TEKT5: variants seen among roughly 807,000 people sequenced by gnomAD.
The protein encoded by TEKT5 is tektin 5.
Under a neutral mutation model 48.7 loss-of-function variants are expected in TEKT5, and 52 were observed. The ratio of observed to expected loss-of-function variants is 1.07; its 90% CI spans 0.86 to 1.35. TEKT5 has a LOEUF of 1.35. Among genes scored for constraint, TEKT5 ranks in the 40% most tolerant of loss-of-function variants. The pLI, the probability that TEKT5 is intolerant of heterozygous loss-of-function variation, is 0.00. For missense variants in TEKT5, 831 were observed against 641.6 expected (o/e 1.30, Z -3.19); for synonymous variants, 318 against 267.6 (o/e 1.19, Z -1.84).
At chr16:10,652,234 G>A (rs1898170548) in intron 5 of TEKT5, among the ~76,000 whole-genome samples, 1 of 152,070 alleles carries the variant, frequency 6.6e-6, no homozygotes, top group African/African-American at 2.4e-5. Flanking sequence ...CACAGAGCTG[G>A]CAGACGCAGA....
intron 5 of TEKT5, among the ~76,000 whole-genome samples, chr16:10,674,493 G>C (rs939965149): frequency 6.6e-6 from 1 of 151,862 alleles, no homozygotes; most frequent in South Asian, 2.1e-4. Flanking sequence ...AACCTAGCCA[G>C]GTGTGGTGGC....
intron 6 of TEKT5, 23 bp from the exon 7 acceptor site, chr16:10,627,822 G>C (rs1292677339): frequency 1.2e-6 from 2 of 1,601,052 alleles, no homozygotes; most frequent in African/African-American, 1.3e-5. Context: ...CAGAGGAGAA[G>C]GCACAGGTTA....
chr16:10,647,758 C>T (rs150409679), intron 5 of TEKT5, among the ~76,000 whole-genome samples: 17 of 152,348 alleles, frequency 1.1e-4, no homozygotes, highest in African/African-American at 3.8e-4. Context: ...AGCTAATACT[C>T]ATTCATAAGC....
chr16:10,650,842 G>A (rs1193126261), intron 5 of TEKT5, among the ~76,000 whole-genome samples: 2 of 151,652 alleles, frequency 1.3e-5, no homozygotes, highest in African/African-American at 4.8e-5. Flanking sequence ...CAGAGATTGT[G>A]GCATTGCATT....
chr16:10,689,522 T>A (rs1211997082), intron 2 of TEKT5, among the ~76,000 whole-genome samples, 199 bp from the exon 3 acceptor site: 1 of 31,490 alleles, frequency 3.2e-5, no homozygotes, highest in Non-Finnish European at 5.2e-5. Flanking sequence ...AGGCTCCACC[T>A]TTTTTTTTTT....
intron 5 of TEKT5, chr16:10,671,835 T>C (rs1412146998): frequency 6.6e-6 from 1 of 152,070 alleles, no homozygotes; most frequent in Non-Finnish European, 1.5e-5. Flanking sequence ...AACCACCAGG[T>C]CTCAAGAGAC....
intron 3 of TEKT5, among the ~76,000 whole-genome samples, chr16:10,684,801 T>C (rs975371780): frequency 1.3e-5 from 2 of 152,216 alleles, no homozygotes; most frequent in African/African-American, 2.4e-5. Flanking sequence ...CTCACCCTGC[T>C]GTCAGCCCAC....
intron 1 of TEKT5, 76 bp downstream of exon 1, chr16:10,694,234 T>A: frequency 6.9e-7 from 1 of 1,448,320 alleles, no homozygotes; most frequent in South Asian, 1.4e-5. Flanking sequence ...ACCTTCATCT[T>A]CAGTCAAGGG....
At chr16:10,642,596 G>A (rs997898228) in intron 5 of TEKT5, among the ~76,000 whole-genome samples, 1 of 152,076 alleles carries the variant, frequency 6.6e-6, no homozygotes, top group Non-Finnish European at 1.5e-5. Flanking sequence ...CTATCTTTCT[G>A]ATGGTGATCA....
At chr16:10,687,257 A>T (rs1300783723) in intron 3 of TEKT5, among the ~76,000 whole-genome samples, 1 of 152,372 alleles carries the variant, frequency 6.6e-6, no homozygotes, top group Admixed American at 6.5e-5. Context: ...CATATATGTT[A>T]ATTAGTTCCA....
intron 5 of TEKT5, among the ~76,000 whole-genome samples, chr16:10,668,353 T>C (rs1413865938): frequency 6.6e-6 from 1 of 152,144 alleles, no homozygotes; most frequent in African/African-American, 2.4e-5. Context: ...AGAGAGACTT[T>C]CTCCCTGGGA....
chr16:10,655,415 T>C (rs933254311), intron 5 of TEKT5, among the ~76,000 whole-genome samples: 2 of 152,182 alleles, frequency 1.3e-5, no homozygotes, highest in African/African-American at 4.8e-5. Context: ...ACCTCAGTAT[T>C]TTTTTAAAAT....
At chr16:10,644,849 T>G (rs981901489) in intron 5 of TEKT5, among the ~76,000 whole-genome samples, 1 of 152,222 alleles carries the variant, frequency 6.6e-6, no homozygotes, top group Non-Finnish European at 1.5e-5. Flanking sequence ...AATGTCTGTG[T>G]TCCCCCAAAA....
At chr16:10,673,354 G>A (rs918199359) in intron 5 of TEKT5, among the ~76,000 whole-genome samples, 9 of 152,130 alleles carry the variant, frequency 5.9e-5, no homozygotes, top group African/African-American at 1.7e-4. Context: ...GATTGTCCAC[G>A]GCTGCTTTTG....
At chr16:10,651,636 T>A (rs1898157225) in intron 5 of TEKT5, among the ~76,000 whole-genome samples, 1 of 152,144 alleles carries the variant, frequency 6.6e-6, no homozygotes, top group Non-Finnish European at 1.5e-5. Context: ...CCTGGATGGA[T>A]AAATATACAC....
At chr16:10,647,400 A>G (rs899827946) in intron 5 of TEKT5, among the ~76,000 whole-genome samples, 1 of 150,372 alleles carries the variant, frequency 6.7e-6, no homozygotes, top group Non-Finnish European at 1.5e-5. Flanking sequence ...TAAGCCTGGG[A>G]TGTCGAGGCT....
chr16:10,679,982 A>C (rs547629811), intron 4 of TEKT5, among the ~76,000 whole-genome samples: 2 of 152,380 alleles, frequency 1.3e-5, no homozygotes, highest in African/African-American at 4.8e-5. Flanking sequence ...AGTTGCTACA[A>C]ACAGCAGCTC....
chr16:10,692,738 T>C (rs1567238233), intron 1 of TEKT5: 1 of 152,250 alleles, frequency 6.6e-6, no homozygotes, highest in Non-Finnish European at 1.5e-5. Flanking sequence ...TGTTCTACCC[T>C]TGCCTTCCTG....
At chr16:10,658,853 G>A (rs1394724219) in intron 5 of TEKT5, among the ~76,000 whole-genome samples, 1 of 152,084 alleles carries the variant, frequency 6.6e-6, no homozygotes, top group Non-Finnish European at 1.5e-5. Flanking sequence ...GAGTACCTGG[G>A]ATTACAGGCA....
Sources: allele counts gnomAD v4.1 joint callset (sites outside exome capture counted in the v4.1 genomes callset), GRCh38; gene constraint gnomAD v4.1.1; transcripts MANE v1.5; gene names NCBI Gene and HGNC (gene_info 2026-07-23, HGNC 2026-07-21).